Variants in ST3GAL6 observed in about 807,000 individuals in gnomAD.
ST3GAL6 encodes ST3 beta-galactoside alpha-2,3-sialyltransferase 6, also known as type 2 lactosamine alpha-2,3-sialyltransferase.
In ST3GAL6, 31 loss-of-function variants were observed where a neutral mutation model predicts 40.5. That is an observed-to-expected ratio of 0.77 (90% CI 0.58 to 1.03). ST3GAL6 has a LOEUF of 1.03. ST3GAL6 is among the 50% of genes least tolerant of loss of function. The pLI, the probability that ST3GAL6 is intolerant of heterozygous loss-of-function variation, is 0.00. For synonymous variants in ST3GAL6, 129 were observed against 136.9 expected (o/e 0.94, Z 0.40); for missense variants, 357 against 393.2 (o/e 0.91, Z 0.78).
intron 1 of ST3GAL6, among the ~76,000 whole-genome samples, chr3:98,740,796 A>T (rs2107278567): frequency 6.6e-6 from 1 of 152,250 alleles, no homozygotes. Flanking sequence ...CTATTATGAC[A>T]ATTCTATTCT....
intron 1 of ST3GAL6, among the ~76,000 whole-genome samples, chr3:98,737,986 A>T (rs1011500417): frequency 1.6e-4 from 24 of 151,950 alleles, no homozygotes; most frequent in African/African-American, 4.4e-4. Context: ...AGGTGATTGG[A>T]TATGGGGGGC....
At chr3:98,736,213 A>G (rs1241145429) in intron 1 of ST3GAL6, among the ~76,000 whole-genome samples, 1 of 151,996 alleles carries the variant, frequency 6.6e-6, no homozygotes, top group African/African-American at 2.4e-5. Flanking sequence ...CCCTTAGGAG[A>G]TTTTCTTAAA....
intron 5 of ST3GAL6, among the ~76,000 whole-genome samples, chr3:98,779,048 A>G (rs1017762747): frequency 6.6e-6 from 1 of 152,106 alleles, no homozygotes; most frequent in Non-Finnish European, 1.5e-5. Flanking sequence ...CAACTTGCAC[A>G]TATGTTTGGA....
chr3:98,780,867 A>G (rs1285858184), intron 5 of ST3GAL6, among the ~76,000 whole-genome samples: 3 of 152,214 alleles, frequency 2.0e-5, no homozygotes, highest in Admixed American at 2.0e-4. Context: ...TTCTGTGAAC[A>G]CTAAGGTCTA....
intron 1 of ST3GAL6, among the ~76,000 whole-genome samples, chr3:98,745,136 C>T (rs1048426333): frequency 2.6e-4 from 40 of 152,072 alleles, no homozygotes; most frequent in African/African-American, 9.2e-4. Flanking sequence ...GGGTTTCAAG[C>T]GATTCTCCTG....
chr3:98,793,652 G>A lies in ST3GAL6; in HGVS notation c.910-23G>A, dbSNP rs919894487. ...ACTTTGAGATTGGGAAAGAATGATG[G>A]TAATTGTATTTTTCTTCTTTAGAAC... On this transcript the variant is annotated intron_variant, in intron 9 of 9. Coordinates refer to ENST00000483910, the MANE Select transcript of ST3GAL6 (RefSeq NM_001323368.2). 5 of 1,485,856 alleles carry A rather than the reference G, an allele frequency of 3.4e-6. No homozygotes were observed. The South Asian group carries it at 3.8e-5, about 11-fold the overall frequency. 92.0% of individuals were successfully genotyped at this position (1,485,856 alleles called of 1,614,324 possible). A position where few individuals can be genotyped will look rare whatever the true frequency, so the allele number is the denominator to read the frequency against.
At chr3:98,777,452 C>T (rs1316404325) in intron 5 of ST3GAL6, among the ~76,000 whole-genome samples, 1 of 152,246 alleles carries the variant, frequency 6.6e-6, no homozygotes, top group Middle Eastern at 3.2e-3. Flanking sequence ...CTAGCAACCA[C>T]TGTTTGCATC....
chr3:98,795,394 C>T lies in ST3GAL6; in HGVS notation c.*1633C>T, dbSNP rs1941524478. The T allele has an allele frequency of 6.6e-6, 1 of 152,082 alleles. No homozygotes were observed. The highest frequency in any genetic ancestry group is 2.1e-4 in the South Asian group (1 of 4,806). 9.4% of individuals were successfully genotyped at this position (152,082 alleles called of 1,614,324 possible). A position where few individuals can be genotyped will look rare whatever the true frequency, so the allele number is the denominator to read the frequency against. ...GGAGAACAGTAGTAGTTGATCTAACCCAGATTAGACATGAATACCAGCATA... is the reference window on the plus strand; with the variant it reads ...GGAGAACAGTAGTAGTTGATCTAACTCAGATTAGACATGAATACCAGCATA... On this transcript the variant is annotated 3_prime_UTR_variant, in exon 10 of 10. Transcript: ENST00000483910.
At chr3:98,768,603 G>T in intron 2 of ST3GAL6, 74 bp downstream of exon 2, 5 of 1,119,408 alleles carry the variant, frequency 4.5e-6, no homozygotes, top group Non-Finnish European at 4.0e-6. Flanking sequence ...TATAGTAGAG[G>T]GTCCTATGAA....
chr3:98,776,091 A>C (rs890066117), intron 5 of ST3GAL6, among the ~76,000 whole-genome samples: 6 of 152,240 alleles, frequency 3.9e-5, no homozygotes, highest in Non-Finnish European at 1.5e-5. Flanking sequence ...AAAATAGATA[A>C]GAATATATTT....
intron 1 of ST3GAL6, among the ~76,000 whole-genome samples, chr3:98,752,564 T>G (rs1405466314): frequency 6.6e-6 from 1 of 152,108 alleles, no homozygotes; most frequent in African/African-American, 2.4e-5. Flanking sequence ...CTCCGCCTCC[T>G]GGGTTCATGC....
At chr3:98,735,166 C>G (rs1935424638) in intron 1 of ST3GAL6, among the ~76,000 whole-genome samples, 2 of 152,134 alleles carry the variant, frequency 1.3e-5, no homozygotes, top group South Asian at 4.1e-4. Context: ...GAATTTTTAG[C>G]CCCATTTTAT....
chr3:98,734,921 C>A (rs1024807876), intron 1 of ST3GAL6, among the ~76,000 whole-genome samples: 20 of 152,110 alleles, frequency 1.3e-4, no homozygotes, highest in African/African-American at 4.3e-4. Context: ...CCATGTTTCC[C>A]GCATTTCCCT....
At chr3:98,757,963 G>A (rs1937530066) in intron 1 of ST3GAL6, among the ~76,000 whole-genome samples, 1 of 151,742 alleles carries the variant, frequency 6.6e-6, no homozygotes, top group Non-Finnish European at 1.5e-5. Context: ...AGCTTCCCAA[G>A]TAGCTTGGGA....
chr3:98,773,334 C>T (rs911705997), intron 4 of ST3GAL6: 1 of 153,186 alleles, frequency 6.5e-6, no homozygotes, highest in Non-Finnish European at 1.5e-5. Flanking sequence ...TTTAATTTAA[C>T]CAGTGGATAT....
chr3:98,756,845 A>G (rs1336984803), intron 1 of ST3GAL6, among the ~76,000 whole-genome samples: 1 of 152,218 alleles, frequency 6.6e-6, no homozygotes, highest in Non-Finnish European at 1.5e-5. Context: ...GTGAGGAGTA[A>G]GAAAACTCTT....
At chr3:98,771,283 T>C (rs1275166882) in intron 3 of ST3GAL6, 3 of 634,708 alleles carry the variant, frequency 4.7e-6, no homozygotes. Context: ...TCATGTTATT[T>C]TCCACCCTTA....
intron 5 of ST3GAL6, among the ~76,000 whole-genome samples, chr3:98,777,778 TCTC>T (rs1365727382): frequency 6.6e-6 from 1 of 152,190 alleles, no homozygotes; most frequent in Non-Finnish European, 1.5e-5. Context: ...CACAGGCTCT[TCTC>T]TTTATTCTCC....
At chr3:98,783,435 C>A in intron 5 of ST3GAL6, 1 of 452,480 alleles carries the variant, frequency 2.2e-6, no homozygotes, top group Non-Finnish European at 2.9e-6. Flanking sequence ...GTTCAGTGTC[C>A]CCTTGCCGGC....
Sources: allele counts gnomAD v4.1 joint callset (sites outside exome capture counted in the v4.1 genomes callset), GRCh38; gene constraint gnomAD v4.1.1; transcripts MANE v1.5; gene names NCBI Gene and HGNC (gene_info 2026-07-23, HGNC 2026-07-21).